Variants in DHX32 observed in about 807,000 individuals in gnomAD.
The protein encoded by DHX32 is putative pre-mRNA-splicing factor ATP-dependent RNA helicase DHX32.
Under a neutral mutation model 70.0 loss-of-function variants are expected in DHX32, and 51 were observed. The observed-to-expected ratio is 0.73, with a 90% confidence interval of 0.58 to 0.92. The LOEUF (loss-of-function observed/expected upper bound fraction) is 0.92, where lower values mean the gene tolerates loss of function less well. DHX32 is among the 40% of genes least tolerant of loss of function. The probability of loss-of-function intolerance (pLI) is 0.00; values close to 1 mark genes in which losing one functional copy is unlikely to be tolerated. For synonymous variants in DHX32, 310 were observed against 315.3 expected (o/e 0.98, Z 0.18); for missense variants, 762 against 891.8 (o/e 0.85, Z 1.85).
At position 125,836,533 on chromosome 10, in the gene DHX32, ATTTTT is replaced by A; in HGVS notation, c.*149_*153del. On this transcript the variant is annotated 3_prime_UTR_variant, in exon 11 of 11. Coordinates refer to ENST00000284690, the MANE Select transcript of DHX32 (RefSeq NM_018180.3). ...TTTAAAGAACTCAATAAAAACTTCTATTTTTTATTTTAAAATAATATACACAGTGT... is the reference window on the plus strand; with the variant it reads ...TTTAAAGAACTCAATAAAAACTTCTATATTTTAAAATAATATACACAGTGT... 7.5e-7 allele frequency: 1 copy of A among 1,335,762 alleles called. No individual in the cohort carries two copies. The highest frequency in any genetic ancestry group is 9.8e-7 in the Non-Finnish European group (1 of 1,020,440). The allele number at this position is 1,335,762 out of a possible 1,614,324, so 82.7% of individuals were successfully genotyped here.
At chr10:125,860,752 ATTT>A (rs397747204) in intron 2 of DHX32, among the ~76,000 whole-genome samples, 2 of 111,790 alleles carry the variant, frequency 1.8e-5, no homozygotes, top group African/African-American at 6.9e-5. Flanking sequence ...AACCAATCCC[ATTT>A]TTTTTTTTTT....
At chr10:125,842,258 G>A (rs1329535681) in intron 6 of DHX32, 7 of 284,444 alleles carry the variant, frequency 2.5e-5, no homozygotes, top group South Asian at 1.4e-4. Context: ...TAAGGTGGCC[G>A]GAACTCGCGG....
chr10:125,885,885 T>G (rs1467423637), upstream of DHX32, among the ~76,000 whole-genome samples: 1 of 152,210 alleles, frequency 6.6e-6, no homozygotes, highest in Non-Finnish European at 1.5e-5. Context: ...CTTAGCCCCT[T>G]ACAGTCAGGT....
At chr10:125,864,929 CAAAAAAAAAAAAAAAAAAAAAAAA>C (rs61570718) in intron 2 of DHX32, among the ~76,000 whole-genome samples, 27 of 54,224 alleles carry the variant, frequency 5.0e-4, no homozygotes, top group African/African-American at 2.0e-3. Flanking sequence ...GACTCTGTCT[CAAAAAAAAAAAAAAAAAAAAAAAA>C]AAAAAAAAAA....
At chr10:125,894,093 T>TA (rs1292386351) in intron 1 of DHX32, among the ~76,000 whole-genome samples, 2 of 152,306 alleles carry the variant, frequency 1.3e-5, no homozygotes, top group Non-Finnish European at 2.9e-5. Context: ...CTTGGAGACT[T>TA]AAAAAAATAT....
chr10:125,845,974 A>G (rs887948726), intron 6 of DHX32, among the ~76,000 whole-genome samples: 2 of 152,164 alleles, frequency 1.3e-5, no homozygotes, highest in African/African-American at 2.4e-5. Context: ...CTCTCCCTGC[A>G]TGTCACATCA....
At chr10:125,841,250 G>A (rs1854870695) in intron 7 of DHX32, 4 of 1,612,322 alleles carry the variant, frequency 2.5e-6, no homozygotes, top group Non-Finnish European at 8.5e-7. Context: ...CTTCTATTCC[G>A]GCAGGAGCAG....
intron 6 of DHX32, chr10:125,842,318 G>T: frequency 5.2e-6 from 1 of 190,604 alleles, no homozygotes; most frequent in South Asian, 1.2e-4. Context: ...GCCAGAGGGA[G>T]CTCCCTCAAC....
chr10:125,882,998 T>C (rs1944326796), upstream of DHX32, among the ~76,000 whole-genome samples: 2 of 152,332 alleles, frequency 1.3e-5, no homozygotes, highest in African/African-American at 2.4e-5. Context: ...ATTTCTTAAC[T>C]GTTTTACCTT....
chr10:125,844,631 G>T (rs1280294620), intron 6 of DHX32, among the ~76,000 whole-genome samples: 1 of 152,228 alleles, frequency 6.6e-6, no homozygotes, highest in Non-Finnish European at 1.5e-5. Flanking sequence ...TATCTCCCCA[G>T]TGTGGCCCAT....
chr10:125,852,278 G>A lies in DHX32; in HGVS notation c.1351+15C>T. Reference sequence around the variant, plus strand: ...CTCAGCCTAATGCCTGGCTGACATGGGAGCATAAGGCTACCTGGTCTGTTC... The same window carrying A: ...CTCAGCCTAATGCCTGGCTGACATGAGAGCATAAGGCTACCTGGTCTGTTC... On this transcript the variant is annotated intron_variant, in intron 6 of 10. Coordinates refer to ENST00000284690, the MANE Select transcript of DHX32 (RefSeq NM_018180.3). The A allele has an allele frequency of 3.7e-6, 6 of 1,611,086 alleles. No homozygotes were observed. Among genetic ancestry groups the A allele is most frequent in the Non-Finnish European group, 5.1e-6 (6 of 1,177,982 alleles).
At chr10:125,864,505 T>C (rs1322926143) in intron 2 of DHX32, among the ~76,000 whole-genome samples, 3 of 152,194 alleles carry the variant, frequency 2.0e-5, no homozygotes, top group Non-Finnish European at 4.4e-5. Context: ...GGTGTCAGAA[T>C]TGAATGCTTG....
chr10:125,840,890 A>T lies in DHX32; in HGVS notation c.1650T>A (p.Ile550=). 2 of 1,608,528 alleles carry T rather than the reference A, an allele frequency of 1.2e-6. No homozygotes were observed. The highest frequency in any genetic ancestry group is 1.7e-6 in the Non-Finnish European group (2 of 1,175,806). ...PEGDHFTLIS[I]YKAYQDTTLN... is the part of the protein sequence containing the mutation. ...GAGTTGTGTCTTGGTAAGCCTTGTA[A>T]ATGCTGATGAGGGTAAAGTGATCTC... is the stretch of plus-strand genomic sequence containing the variant. The change falls in exon 8 of 11, where the codon ATT becomes ATA. Residue 550 remains isoleucine (I), a synonymous_variant. Coordinates refer to ENST00000284690, the MANE Select transcript of DHX32 (RefSeq NM_018180.3).
chr10:125,842,005 T>C, intron 6 of DHX32, 71 bp from the exon 7 acceptor site: 1 of 1,445,230 alleles, frequency 6.9e-7, no homozygotes, highest in Non-Finnish European at 9.0e-7. Flanking sequence ...ACTGGACTTT[T>C]CCCTCCTGCA....
chr10:125,859,464 C>T (rs947200794), intron 3 of DHX32, 139 bp downstream of exon 3: 5 of 930,798 alleles, frequency 5.4e-6, no homozygotes, highest in Non-Finnish European at 7.7e-6. Context: ...CTCCTTTCAG[C>T]ACAGGTTTTA....
intron 1 of DHX32, among the ~76,000 whole-genome samples, chr10:125,870,418 C>T (rs1315721771): frequency 6.6e-6 from 1 of 152,206 alleles, no homozygotes; most frequent in East Asian, 1.9e-4. Context: ...ATGACCAGAA[C>T]CAATCCATAT....
At chr10:125,882,632 C>A (rs552039200), upstream of DHX32, among the ~76,000 whole-genome samples, 4 of 152,050 alleles carry the variant, frequency 2.6e-5, no homozygotes, top group African/African-American at 7.2e-5. Flanking sequence ...TAGCTCTTCC[C>A]AAGTAAAGTT....
intron 10 of DHX32, 86 bp from the exon 11 acceptor site, chr10:125,836,941 C>T: frequency 1.7e-6 from 2 of 1,162,814 alleles, no homozygotes; most frequent in Non-Finnish European, 1.2e-6. Context: ...CTTCCCATCC[C>T]TGGAGAATCT....
chr10:125,888,960 T>A (rs1944354865), intron 1 of DHX32, among the ~76,000 whole-genome samples: 1 of 152,234 alleles, frequency 6.6e-6, no homozygotes, highest in South Asian at 2.1e-4. Context: ...CTCAGGAGGT[T>A]GAGGTGGGAG....
Sources: allele counts gnomAD v4.1 joint callset (sites outside exome capture counted in the v4.1 genomes callset), GRCh38; gene constraint gnomAD v4.1.1; transcripts MANE v1.5; gene names NCBI Gene and HGNC (gene_info 2026-07-23, HGNC 2026-07-21).